CEMIP2: variants seen among roughly 807,000 people sequenced by gnomAD.
The protein encoded by CEMIP2 is cell surface hyaluronidase CEMIP2.
A neutral mutation model predicts 146.9 loss-of-function variants in CEMIP2; 79 were observed. The ratio of observed to expected loss-of-function variants is 0.54; its 90% CI spans 0.45 to 0.65. CEMIP2 has a LOEUF of 0.65. Ranked by LOEUF, CEMIP2 falls within the 30% of genes least tolerant of loss-of-function variation. The pLI is 0.00. For synonymous variants in CEMIP2, 601 were observed against 606.3 expected, an observed-to-expected ratio of 0.99 and a Z score of 0.13; for missense variants, 1,596 against 1,696.2, an observed-to-expected ratio of 0.94 and a Z score of 1.04.
intron 10 of CEMIP2, among the ~76,000 whole-genome samples, chr9:71,728,231 C>CTCTCTCTCTCTCTA (rs1554684626): frequency 6.8e-5 from 1 of 14,778 alleles, no homozygotes; most frequent in African/African-American, 2.3e-4. Context: ...CTCTCTCTCT[C>CTCTCTCTCTCTCTA]TATATATATA....
At chr9:71,769,216 T>A (rs1824898584), upstream of CEMIP2, among the ~76,000 whole-genome samples, 1 of 152,096 alleles carries the variant, frequency 6.6e-6, no homozygotes, top group Non-Finnish European at 1.5e-5. Flanking sequence ...CGCCTGTCAC[T>A]CCCTGGCTGA....
intron 11 of CEMIP2, among the ~76,000 whole-genome samples, 198 bp downstream of exon 11, chr9:71,725,383 C>T (rs991955681): frequency 6.6e-6 from 1 of 152,144 alleles, no homozygotes; most frequent in Non-Finnish European, 1.5e-5. Flanking sequence ...GCAAGAAGAA[C>T]CTTACCAAAT....
chr9:71,763,276 T>A (rs1425734590), intron 1 of CEMIP2, among the ~76,000 whole-genome samples: 4 of 152,130 alleles, frequency 2.6e-5, no homozygotes, highest in Non-Finnish European at 5.9e-5. Context: ...GCTTGCTGTC[T>A]CCAAAGTGCA....
At chr9:71,728,240 T>TATATATATATATAC (rs1823461580) in intron 10 of CEMIP2, among the ~76,000 whole-genome samples, 3 of 33,520 alleles carry the variant, frequency 8.9e-5, no homozygotes, top group Non-Finnish European at 2.8e-4. Context: ...TCTATATATA[T>TATATATATATATAC]ATATATATAT....
intron 1 of CEMIP2, among the ~76,000 whole-genome samples, chr9:71,758,494 C>A (rs1409737799): frequency 1.3e-5 from 2 of 152,114 alleles, no homozygotes; most frequent in African/African-American, 4.8e-5. Context: ...AAACAGGTTA[C>A]AGTAGTAAAT....
At chr9:71,739,987 A>G in intron 5 of CEMIP2, 76 bp downstream of exon 5, 1 of 1,378,348 alleles carries the variant, frequency 7.3e-7, no homozygotes, top group Non-Finnish European at 9.9e-7. Flanking sequence ...TTTGAACATA[A>G]TACTATTCTT....
intron 18 of CEMIP2, among the ~76,000 whole-genome samples, chr9:71,703,221 T>C (rs11142963): frequency 0.16 from 24,517 of 152,010 alleles, 2,196 homozygotes; most frequent in South Asian, 0.28. Context: ...TAGATGACTT[T>C]AGGAGCTGGA....
In CEMIP2 at chr9:71,734,894, G is replaced by C. The variant is rs776410339; in HGVS notation, c.1305C>G (p.Val435=). 1.2e-6 allele frequency: 2 copies of C among 1,613,558 alleles called. No individual in the cohort carries two copies. Among genetic ancestry groups the C allele is most frequent in the South Asian group, 2.2e-5 (2 of 91,056 alleles). The part of the protein sequence containing the change: ...SSWKPGDQIV[V]ASTDYSMYQA... ...GGTACATGGAATAGTCTGTGCTTGCGACCACAATCTGGTCTCCAGGTTTCC... is the reference window on the plus strand; with the variant it reads ...GGTACATGGAATAGTCTGTGCTTGCCACCACAATCTGGTCTCCAGGTTTCC... The change falls in exon 6 of 24, where the codon GTC becomes GTG. Residue 435 remains valine, a synonymous_variant. Coordinates refer to ENST00000377044, the MANE Select transcript of CEMIP2 (RefSeq NM_013390.3).
intron 1 of CEMIP2, among the ~76,000 whole-genome samples, chr9:71,764,733 G>A (rs1824736591): frequency 6.6e-6 from 1 of 152,088 alleles, no homozygotes; most frequent in African/African-American, 2.4e-5. Context: ...TGTCAGATGG[G>A]CTTAAGTCCA....
Position 71,685,859 on chromosome 9 carries a change from T to C in CEMIP2, c.3852-13A>G. The C allele has an allele frequency of 2.5e-6, 4 of 1,605,922 alleles. No homozygotes were observed. The highest frequency in any genetic ancestry group is 3.4e-6 in the Non-Finnish European group (4 of 1,172,972). On this transcript the variant is annotated splice_polypyrimidine_tract_variant and intron_variant, in intron 22 of 23. Transcript: ENST00000377044. The stretch of plus-strand genomic sequence containing the variant: ...CAGAACAATGGACCTGTATGTGAAA[T>C]TTAGAAAGTCAGAGCCAATTTCAAT...
rs536554514 is a variant in CEMIP2, at chr9:71,705,807, A to ATG, written c.2986-1006_2986-1005dup. 1.1e-3 allele frequency among the ~76,000 whole-genome samples: 159 copies of ATG among 150,654 alleles called. 1 individual carries two copies. In the East Asian group the frequency reaches 0.023, roughly 22 times the overall value. On this transcript the variant is annotated intron_variant, in intron 17 of 23. Transcript: ENST00000377044. The stretch of plus-strand genomic sequence containing the variant: ...TTTACATGTACATTTATATATGTGT[A>ATG]TGTGTGTGTGTATATATATATAGGA...
intron 1 of CEMIP2, among the ~76,000 whole-genome samples, chr9:71,760,097 ATT>A (rs762217712): frequency 7.2e-5 from 11 of 152,222 alleles, no homozygotes; most frequent in East Asian, 3.9e-4. Flanking sequence ...CTGCTTAAAA[ATT>A]TACTTTTGTA....
At chr9:71,760,901 T>C (rs72739811) in intron 1 of CEMIP2, among the ~76,000 whole-genome samples, 9,479 of 152,316 alleles carry the variant, frequency 0.062, 458 homozygotes, top group South Asian at 0.18. Flanking sequence ...GTTTCCTTTT[T>C]TCCTATTAAT....
At chr9:71,749,997 C>T in intron 2 of CEMIP2, 46 bp downstream of exon 2, 1 of 1,504,668 alleles carries the variant, frequency 6.6e-7, no homozygotes, top group South Asian at 1.4e-5. Flanking sequence ...ATTTCCTCCT[C>T]TTTTGTCTTC....
At chr9:71,707,344 G>C (rs1296005139) in intron 17 of CEMIP2, among the ~76,000 whole-genome samples, 2 of 147,802 alleles carry the variant, frequency 1.4e-5, no homozygotes, top group Admixed American at 1.3e-4. Context: ...TTTTTTTTTA[G>C]TATTTTTTAT....
At chr9:71,726,696 A>G (rs1407332565) in intron 10 of CEMIP2, among the ~76,000 whole-genome samples, 1 of 152,206 alleles carries the variant, frequency 6.6e-6, no homozygotes, top group Non-Finnish European at 1.5e-5. Context: ...ATACCTACAC[A>G]CCAGAATGAA....
In CEMIP2 at chr9:71,731,880, A is replaced by G. The variant is rs979013858; in HGVS notation, c.1563+471T>C. On this transcript the variant is annotated intron_variant, in intron 7 of 23. Coordinates refer to ENST00000377044, the MANE Select transcript of CEMIP2 (RefSeq NM_013390.3). ...ATATATTAATAGAATACTGCCTAGC[A>G]TATAGTAAGTGCTCAAAATTTTTCC... is the stretch of plus-strand genomic sequence containing the variant. Among the ~76,000 whole-genome samples the G allele has an allele frequency of 3.9e-5, 6 of 152,224 alleles. No individual in the cohort carries two copies. The East Asian group carries it at 1.2e-3, about 29-fold the overall frequency.
At chr9:71,735,401 T>C (rs1823734664) in intron 5 of CEMIP2, among the ~76,000 whole-genome samples, 2 of 152,138 alleles carry the variant, frequency 1.3e-5, no homozygotes, top group Admixed American at 6.5e-5. Flanking sequence ...AAGCAGAGGA[T>C]AGGTCTGTAA....
intron 20 of CEMIP2, among the ~76,000 whole-genome samples, chr9:71,697,323 C>A (rs1822430991): frequency 2.0e-5 from 3 of 152,310 alleles, no homozygotes; most frequent in African/African-American, 7.2e-5. Flanking sequence ...CTTTGGAACT[C>A]CTTCTGTATG....
Sources: allele counts gnomAD v4.1 joint callset (sites outside exome capture counted in the v4.1 genomes callset), GRCh38; gene constraint gnomAD v4.1.1; transcripts MANE v1.5; gene names NCBI Gene and HGNC (gene_info 2026-07-23, HGNC 2026-07-21).